Variants in SGSM1 observed in about 807,000 individuals in gnomAD.
SGSM1 encodes RUN and TBC1 domain containing 2.
A neutral mutation model predicts 133.8 loss-of-function variants in SGSM1; 73 were observed. The observed-to-expected ratio is 0.55, with a 90% CI of 0.45 to 0.66. The LOEUF (loss-of-function observed/expected upper bound fraction) is 0.66. Ranked by LOEUF, SGSM1 falls within the 30% of genes least tolerant of loss-of-function variation. SGSM1 has a pLI of 0.00. For missense variants in SGSM1, 1,213 were observed against 1,448.1 expected (o/e 0.84, Z 2.64); for synonymous variants, 563 against 573.0 (o/e 0.98, Z 0.25).
intron 5 of SGSM1, among the ~76,000 whole-genome samples, chr22:24,853,430 A>G (rs1420257666): frequency 6.6e-6 from 1 of 152,242 alleles, no homozygotes; most frequent in Non-Finnish European, 1.5e-5. Flanking sequence ...CCACTACACA[A>G]TAACTCAAAC....
chr22:24,904,066 G>A (rs1054953578), intron 20 of SGSM1, among the ~76,000 whole-genome samples: 1 of 151,910 alleles, frequency 6.6e-6, no homozygotes, highest in African/African-American at 2.4e-5. Context: ...CTTGAGTAAG[G>A]CCTCCTAGGT....
intron 24 of SGSM1, among the ~76,000 whole-genome samples, chr22:24,921,213 C>T (rs1398069853): frequency 6.6e-6 from 1 of 152,068 alleles, no homozygotes; most frequent in Non-Finnish European, 1.5e-5. Flanking sequence ...GATTCTCCCG[C>T]CTCAGCCTCC....
In SGSM1 at chr22:24,919,040, CTTT is replaced by C. The variant is rs143985087; in HGVS notation, c.3026-763_3026-761del. On this transcript the variant is annotated intron_variant, in intron 23 of 24. Coordinates refer to ENST00000400358, the MANE Select transcript of SGSM1 (RefSeq NM_001098497.3). Reference sequence around the variant, plus strand: ...ACAGGTGTGAGCCACCACACCCGGCCTTTTTTTTTTTTTTTTTTTTTTTTTCGA... The same window carrying C: ...ACAGGTGTGAGCCACCACACCCGGCCTTTTTTTTTTTTTTTTTTTTTTCGA... 2.0e-3 allele frequency among the ~76,000 whole-genome samples: 142 copies of C among 71,728 alleles called. 1 individual carries two copies. The highest frequency in any genetic ancestry group is 6.8e-3 in the African/African-American group (101 of 14,940). 47.1% of individuals were successfully genotyped at this position (71,728 alleles called of 152,430 possible).
intron 17 of SGSM1, among the ~76,000 whole-genome samples, chr22:24,894,516 C>T (rs1932871659): frequency 6.6e-6 from 1 of 152,228 alleles, no homozygotes; most frequent in Non-Finnish European, 1.5e-5. Context: ...TTGCTCACAA[C>T]TCTGGGTCAG....
At chr22:24,859,260 A>AG (rs375184565) in intron 8 of SGSM1, among the ~76,000 whole-genome samples, 30 of 151,926 alleles carry the variant, frequency 2.0e-4, no homozygotes, top group Admixed American at 5.9e-4. Flanking sequence ...CGGGGAGTGT[A>AG]GGGGGGGTTT....
intron 8 of SGSM1, among the ~76,000 whole-genome samples, chr22:24,859,325 C>T (rs1233140935): frequency 6.6e-6 from 1 of 152,274 alleles, no homozygotes; most frequent in Admixed American, 6.5e-5. Flanking sequence ...GCTCAACTGC[C>T]ATCTCTTTCT....
intron 10 of SGSM1, among the ~76,000 whole-genome samples, chr22:24,867,765 A>G (rs1931536752): frequency 1.3e-5 from 2 of 152,208 alleles, no homozygotes; most frequent in South Asian, 4.1e-4. Context: ...GGAACAAAAC[A>G]CGGTGATTTA....
At chr22:24,885,365 A>G (rs117337134) in intron 15 of SGSM1, among the ~76,000 whole-genome samples, 2,960 of 152,050 alleles carry the variant, frequency 0.019, 41 homozygotes, top group Middle Eastern at 0.1. Flanking sequence ...CTCTTTTTAC[A>G]TAAACGGACT....
chr22:24,872,515 A>G (rs1931816409), intron 12 of SGSM1, among the ~76,000 whole-genome samples: 1 of 152,178 alleles, frequency 6.6e-6, no homozygotes, highest in African/African-American at 2.4e-5. Context: ...CAATAATTTT[A>G]TATTGATTAG....
At chr22:24,853,075 A>G (rs1191703429) in intron 5 of SGSM1, among the ~76,000 whole-genome samples, 1 of 152,152 alleles carries the variant, frequency 6.6e-6, no homozygotes, top group African/African-American at 2.4e-5. Flanking sequence ...CCTTCCAACA[A>G]TCCAGGCATT....
At chr22:24,901,698 G>T in intron 19 of SGSM1, 135 bp from the exon 20 acceptor site, 1 of 903,786 alleles carries the variant, frequency 1.1e-6, no homozygotes, top group Non-Finnish European at 1.6e-6. Flanking sequence ...ACACCTGGCT[G>T]GTCCAGGTGG....
chr22:24,883,911 A>G (rs1932462171), intron 14 of SGSM1, 142 bp from the exon 15 acceptor site: 2 of 988,742 alleles, frequency 2.0e-6, no homozygotes, highest in East Asian at 5.5e-5. Context: ...AGCCATGATA[A>G]TAATAAATAA....
intron 21 of SGSM1, among the ~76,000 whole-genome samples, chr22:24,908,071 G>A (rs554130111): frequency 6.6e-6 from 1 of 152,222 alleles, no homozygotes; most frequent in African/African-American, 2.4e-5. Context: ...TACATTGATG[G>A]TCAATTGATT....
At chr22:24,869,742 C>G (rs1931673200) in intron 12 of SGSM1, among the ~76,000 whole-genome samples, 1 of 152,186 alleles carries the variant, frequency 6.6e-6, no homozygotes, top group Non-Finnish European at 1.5e-5. Flanking sequence ...CGAAGCAGAG[C>G]ACCAGGCACT....
At chr22:24,854,482 C>T (rs536755780) in intron 5 of SGSM1, among the ~76,000 whole-genome samples, 31 of 152,246 alleles carry the variant, frequency 2.0e-4, no homozygotes, top group Admixed American at 7.2e-4. Context: ...CTGAGCACCC[C>T]GCTAAATACC....
At chr22:24,827,966 G>A (rs1251239949) in intron 2 of SGSM1, among the ~76,000 whole-genome samples, 1 of 152,020 alleles carries the variant, frequency 6.6e-6, no homozygotes, top group African/African-American at 2.4e-5. Flanking sequence ...ACCCCTTAGA[G>A]TGGATGCTGG....
In SGSM1 at chr22:24,914,922, T is replaced by C. The variant is rs1933768296; in HGVS notation, c.2928+2170T>C. On this transcript the variant is annotated intron_variant, in intron 22 of 24. Transcript: ENST00000400358. ...TGCTTTGGGGAATTTGGGGTTTTGT[T>C]TTTGGCCTTTATAAACAGTGCTGCG... is the stretch of plus-strand genomic sequence containing the variant. Among the ~76,000 whole-genome samples, 3 of 151,422 alleles carry C rather than the reference T, an allele frequency of 2.0e-5. No individual in the cohort carries two copies. In the South Asian group the frequency reaches 6.2e-4, roughly 31 times the overall value.
At chr22:24,848,422 TTAAAAAAAAAAC>T (rs1431718439) in intron 4 of SGSM1, among the ~76,000 whole-genome samples, 1 of 151,896 alleles carries the variant, frequency 6.6e-6, no homozygotes, top group African/African-American at 2.4e-5. Context: ...TGACTAGAAG[TTAAAAAAAAAAC>T]TCTCATACTG....
intron 13 of SGSM1, among the ~76,000 whole-genome samples, chr22:24,878,876 G>C (rs1325772283): frequency 6.6e-6 from 1 of 152,186 alleles, no homozygotes; most frequent in Non-Finnish European, 1.5e-5. Context: ...AAGTACAAAA[G>C]GAAATTTGTT....
Sources: gnomAD v4.1 joint callset for allele counts (sites outside exome capture counted in the v4.1 genomes callset) on GRCh38, gnomAD v4.1.1 for gene constraint, MANE v1.5 for transcripts, NCBI Gene and HGNC (gene_info 2026-07-23, HGNC 2026-07-21) for gene names.